The following TGFBI variants were observed in gnomAD, a reference collection of about 807,000 sequenced individuals.
TGFBI encodes transforming growth factor-beta-induced protein ig-h3.
A neutral mutation model predicts 73.7 loss-of-function variants in TGFBI; 50 were observed. The ratio of observed to expected loss-of-function variants is 0.68; its 90% CI spans 0.54 to 0.86. The LOEUF (loss-of-function observed/expected upper bound fraction) is 0.86, where lower values mean the gene tolerates loss of function less well. Ranked by LOEUF, TGFBI falls within the 40% of genes least tolerant of loss-of-function variation. The pLI is 0.00. For missense variants in TGFBI, 839 were observed against 877.0 expected, an observed-to-expected ratio of 0.96 and a Z score of 0.55; for synonymous variants, 362 against 360.5, an observed-to-expected ratio of 1.00 and a Z score of -0.05.
intron 10 of TGFBI, 119 bp from the exon 11 acceptor site, chr5:136,055,561 C>A: frequency 1.1e-6 from 1 of 881,546 alleles, no homozygotes; most frequent in Non-Finnish European, 1.5e-6. Context: ...AATAACCCAT[C>A]CCAGTGTATA....
rs1463555980 is a variant in TGFBI at position 136,047,013 on chromosome 5, G to C, written c.622G>C (p.Gly208Arg). 1 of 1,611,544 alleles carries C rather than the reference G, an allele frequency of 6.2e-7. No homozygotes were observed. The change falls in exon 5 of 17, where the codon GGG becomes CGG. Residue 208 changes from glycine (G) to arginine (R), a missense_variant and splice_region_variant. Physicochemically the swap from Gly to Arg is moderately radical, Grantham distance 125. Transcript: ENST00000442011. ...SNIQIHHYPN[G>R]IVTVNCARLL... ...CATCCAGATCCACCACTATCCTAAT[G>C]GGGTAGGGGATCCCCAGCCATACTG...
chr5:136,056,853 C>T (rs1212977979), intron 12 of TGFBI, 58 bp downstream of exon 12: 1 of 1,540,868 alleles, frequency 6.5e-7, no homozygotes, highest in African/African-American at 1.4e-5. Flanking sequence ...CCCTCAGGGC[C>T]CCAGCAGCAA....
At position 136,034,300 on chromosome 5, in the gene TGFBI, A is replaced by G. The variant is rs186368393; in HGVS notation, c.233+439A>G. On this transcript the variant is annotated intron_variant, in intron 2 of 16. Coordinates refer to ENST00000442011, the MANE Select transcript of TGFBI (RefSeq NM_000358.3). ...CCCAAAAAGACTTAGAGCACTAAAC[A>G]TATGCAGATTATGAGACAGCATAGC... Among the ~76,000 whole-genome samples, 7 of 152,220 alleles carry G rather than the reference A, an allele frequency of 4.6e-5. No homozygotes were observed. In the East Asian group the frequency reaches 1.4e-3, roughly 30 times the overall value.
intron 7 of TGFBI, among the ~76,000 whole-genome samples, chr5:136,050,420 G>A (rs1361136211): frequency 1.3e-5 from 2 of 151,998 alleles, no homozygotes; most frequent in Non-Finnish European, 2.9e-5. Context: ...GAGCTGCTAA[G>A]TTAGGCAGTG....
intron 7 of TGFBI, among the ~76,000 whole-genome samples, chr5:136,051,673 C>A (rs1751539589): frequency 1.3e-5 from 2 of 152,180 alleles, no homozygotes. Flanking sequence ...AGGCGAGAAG[C>A]AGCCAGGGCT....
intron 3 of TGFBI, among the ~76,000 whole-genome samples, chr5:136,044,332 G>A (rs1751388758): frequency 6.6e-6 from 1 of 152,274 alleles, no homozygotes. Context: ...TGCTCCTCCT[G>A]GCCTCCTTAC....
chr5:136,057,415 A>G (rs1399529552), intron 12 of TGFBI, among the ~76,000 whole-genome samples: 5 of 152,100 alleles, frequency 3.3e-5, no homozygotes, highest in East Asian at 1.9e-4. Flanking sequence ...TGAGAGATCT[A>G]GTTGAGGATG....
At chr5:136,044,494 A>AGCTCTGCTAGAGAGCCGATGG (rs1751391528) in intron 3 of TGFBI, among the ~76,000 whole-genome samples, 3 of 152,228 alleles carry the variant, frequency 2.0e-5, no homozygotes, top group Admixed American at 6.5e-5. Context: ...GTTTCCGATC[A>AGCTCTGCTAGAGAGCCGATGG]GCTCTGCTAG....
chr5:136,031,247 C>G (rs1338091524), intron 1 of TGFBI, among the ~76,000 whole-genome samples: 1 of 152,222 alleles, frequency 6.6e-6, no homozygotes, highest in African/African-American at 2.4e-5. Context: ...CCTGTTAATG[C>G]CACAGGGCTG....
At chr5:136,036,370 G>C (rs1385096531) in intron 2 of TGFBI, among the ~76,000 whole-genome samples, 1 of 152,194 alleles carries the variant, frequency 6.6e-6, no homozygotes, top group East Asian at 1.9e-4. Flanking sequence ...TTCAAAGAGA[G>C]AAAATGAAGA....
Position 136,056,800 on chromosome 5 carries a change from A to T in TGFBI, c.1678+5A>T. The T allele has an allele frequency of 6.2e-7, 1 of 1,611,424 alleles. No individual in the cohort carries two copies. Among genetic ancestry groups the T allele is most frequent in the Non-Finnish European group, 8.5e-7 (1 of 1,178,602 alleles). ...GAGAACGGAGCAGACTCTTGGGTAA[A>T]GACCAACTTAAGTACACGTCTCCAT... On this transcript the variant is annotated splice_donor_5th_base_variant and intron_variant, in intron 12 of 16. Transcript: ENST00000442011.
Position 136,055,711 on chromosome 5 carries a change from C to A in TGFBI, c.1442C>A (p.Ala481Asp), listed in dbSNP as rs750947320. The A allele has an allele frequency of 1.2e-6, 2 of 1,609,936 alleles. No homozygotes were observed. Among genetic ancestry groups the A allele is most frequent in the South Asian group, 1.1e-5 (1 of 90,702 alleles). Residue 481 changes from alanine to aspartate, a missense_variant, in exon 11 of 17, where the codon GCC becomes GAC. Coordinates refer to ENST00000442011, the MANE Select transcript of TGFBI (RefSeq NM_000358.3). ...TGCATTGAGAACAGCTGCATCGCGG[C>A]CCACGACAAGAGGGGGAGGTACGGG... ...SLCIENSCIA[A>D]HDKRGRYGTL...
intron 8 of TGFBI, 55 bp downstream of exon 8, chr5:136,053,174 A>G: frequency 6.5e-7 from 1 of 1,548,566 alleles, no homozygotes; most frequent in Non-Finnish European, 8.9e-7. Context: ...CTCTTCTGCC[A>G]TCCTTTGTGG....
intron 3 of TGFBI, 105 bp downstream of exon 3, chr5:136,044,227 C>A: frequency 2.1e-6 from 2 of 961,450 alleles, no homozygotes; most frequent in Non-Finnish European, 3.3e-6. Context: ...GGGGCAGTGG[C>A]ACAAGGACAT....
intron 1 of TGFBI, 144 bp downstream of exon 1, chr5:136,029,333 C>A: frequency 1.0e-6 from 1 of 990,294 alleles, no homozygotes; most frequent in Non-Finnish European, 1.4e-6. Flanking sequence ...CGCTCGGACA[C>A]CAGCCCTGCA....
chr5:136,046,738 G>A, intron 4 of TGFBI, 113 bp from the exon 5 acceptor site: 1 of 1,388,560 alleles, frequency 7.2e-7, no homozygotes, highest in African/African-American at 1.5e-5. Context: ...ATCCTTGGCA[G>A]AAGAGAGGCC....
chr5:136,057,658 A>G (rs1263374787), intron 12 of TGFBI, among the ~76,000 whole-genome samples: 1 of 152,072 alleles, frequency 6.6e-6, no homozygotes, highest in Non-Finnish European at 1.5e-5. Context: ...AGATGAGACC[A>G]AGGAAAAGGA....
Position 136,063,295 on chromosome 5 carries a change from C to T in TGFBI, c.*69C>T. 2.1e-6 allele frequency: 3 copies of T among 1,435,186 alleles called. No homozygotes were observed. Among genetic ancestry groups the T allele is most frequent in the Non-Finnish European group, 2.9e-6 (3 of 1,024,036 alleles). 88.9% of individuals were successfully genotyped at this position (1,435,186 alleles called of 1,614,324 possible). ...AATTTCTCTCAGATTTCCACAGAGA[C>T]TGTTTGAATGTTTTCAAAACCAAGT... On this transcript the variant is annotated 3_prime_UTR_variant, in exon 17 of 17. Transcript: ENST00000442011.
intron 3 of TGFBI, 147 bp downstream of exon 3, chr5:136,044,269 G>T (rs772087781): frequency 6.2e-5 from 44 of 711,408 alleles, no homozygotes; most frequent in Non-Finnish European, 7.5e-5. Flanking sequence ...CTGGCCCCAG[G>T]CTCTATGCGA....
Sources: gnomAD v4.1 joint callset for allele counts (sites outside exome capture counted in the v4.1 genomes callset) on GRCh38, gnomAD v4.1.1 for gene constraint, MANE v1.5 for transcripts, NCBI Gene and HGNC (gene_info 2026-07-23, HGNC 2026-07-21) for gene names.